Variants in FARS2 observed in about 807,000 individuals in gnomAD.
FARS2 encodes phenylalanyl-tRNA synthetase 2, mitochondrial.
FARS2 carries 40 observed loss-of-function variants against 46.4 expected under a neutral mutation model. The ratio of observed to expected loss-of-function variants is 0.86; its 90% CI spans 0.67 to 1.12. The LOEUF (loss-of-function observed/expected upper bound fraction) is 1.12, where lower values mean the gene tolerates loss of function less well. FARS2 is among the 50% of genes most tolerant of loss of function. The pLI is 0.00. For missense variants in FARS2, 513 were observed against 567.9 expected, an observed-to-expected ratio of 0.90 and a Z score of 0.98; for synonymous variants, 234 against 214.9, an observed-to-expected ratio of 1.09 and a Z score of -0.78.
chr6:5,706,184 T>C (rs1475880404), intron 6 of FARS2, among the ~76,000 whole-genome samples: 5 of 152,176 alleles, frequency 3.3e-5, no homozygotes, highest in African/African-American at 1.2e-4. Flanking sequence ...CTCACTCCTA[T>C]GAGAATCTAA....
intron 6 of FARS2, among the ~76,000 whole-genome samples, chr6:5,634,355 G>A (rs1776438452): frequency 6.6e-6 from 1 of 152,050 alleles, no homozygotes; most frequent in Admixed American, 6.6e-5. Flanking sequence ...CAGGCTGGAG[G>A]GCAGTGGTAT....
chr6:5,617,388 G>A (rs1775533883), intron 6 of FARS2, among the ~76,000 whole-genome samples: 1 of 152,236 alleles, frequency 6.6e-6, no homozygotes, highest in African/African-American at 2.4e-5. Flanking sequence ...CCAAGGGCAT[G>A]TGTCCCTTAT....
At position 5,714,131 on chromosome 6, in the gene FARS2, A is replaced by G. The variant is rs188060828; in HGVS notation, c.1218-57160A>G. Among the ~76,000 whole-genome samples, 3 of 152,214 alleles carry G rather than the reference A, an allele frequency of 2.0e-5. No homozygotes were observed. The East Asian group carries it at 5.8e-4, about 29-fold the overall frequency. ...GCTTTCAGAGTGCCATTTATAAAAT[A>G]TTTATCATAGTTTCACTGATGAGGT... On this transcript the variant is annotated intron_variant, in intron 6 of 6. Coordinates refer to ENST00000274680, the MANE Select transcript of FARS2 (RefSeq NM_006567.5).
intron 1 of FARS2, among the ~76,000 whole-genome samples, chr6:5,353,911 A>C (rs1757746661): frequency 6.6e-6 from 1 of 150,874 alleles, no homozygotes; most frequent in Non-Finnish European, 1.5e-5. Flanking sequence ...GCAGAAGGAC[A>C]AACCAGGCTT....
chr6:5,692,816 G>A (rs911523319), intron 6 of FARS2, among the ~76,000 whole-genome samples: 1 of 152,116 alleles, frequency 6.6e-6, no homozygotes, highest in Non-Finnish European at 1.5e-5. Flanking sequence ...TTGTATGTTG[G>A]TCAAGATATT....
intron 6 of FARS2, among the ~76,000 whole-genome samples, chr6:5,762,904 G>A (rs191830962): frequency 9.8e-5 from 15 of 152,328 alleles, no homozygotes; most frequent in African/African-American, 3.1e-4. Context: ...GGGAGGCACC[G>A]CTCAGAATGG....
chr6:5,615,119 T>A (rs1382788666), intron 6 of FARS2, among the ~76,000 whole-genome samples: 1 of 152,236 alleles, frequency 6.6e-6, no homozygotes, highest in Non-Finnish European at 1.5e-5. Flanking sequence ...TATATCATTG[T>A]GTTTCACAAA....
chr6:5,297,996 C>T (rs184964518), intron 1 of FARS2, among the ~76,000 whole-genome samples: 8 of 152,300 alleles, frequency 5.3e-5, no homozygotes, highest in Admixed American at 3.3e-4. Context: ...AGGGGAAGCC[C>T]GGAGGGCATC....
In FARS2 at chr6:5,771,437, A is replaced by C; in HGVS notation, c.*8A>C. 1.2e-6 allele frequency: 2 copies of C among 1,609,228 alleles called. No individual in the cohort carries two copies. Among genetic ancestry groups the C allele is most frequent in the Non-Finnish European group, 1.7e-6 (2 of 1,178,472 alleles). ...GTGGAGGGCAGGTTCTGATGTCACC[A>C]CTTCACTCAGGCTGCAGCCCTCTTG... On this transcript the variant is annotated 3_prime_UTR_variant, in exon 7 of 7. Transcript: ENST00000274680.
chr6:5,622,330 C>T (rs965852531), intron 6 of FARS2, among the ~76,000 whole-genome samples: 1 of 152,212 alleles, frequency 6.6e-6, no homozygotes, highest in Non-Finnish European at 1.5e-5. Context: ...ATTGTTGGCT[C>T]ATTCTTAGCT....
intron 2 of FARS2, among the ~76,000 whole-genome samples, chr6:5,370,251 CT>C (rs1758971043): frequency 1.3e-5 from 2 of 152,166 alleles, no homozygotes; most frequent in African/African-American, 4.8e-5. Flanking sequence ...CCCTTCTCTC[CT>C]TTTTCTTTCT....
intron 1 of FARS2, among the ~76,000 whole-genome samples, chr6:5,355,368 C>CTTTTTTTTTTT (rs200590190): frequency 2.1e-5 from 3 of 142,444 alleles, no homozygotes; most frequent in Non-Finnish European, 3.1e-5. Context: ...TTAGGTTTTC[C>CTTTTTTTTTTT]TTTTTGTTTT....
intron 1 of FARS2, among the ~76,000 whole-genome samples, chr6:5,358,196 A>AT (rs1031045937): frequency 6.6e-6 from 1 of 152,190 alleles, no homozygotes; most frequent in African/African-American, 2.4e-5. Flanking sequence ...ATTTAAAAAA[A>AT]TTTTTAATTT....
chr6:5,377,317 G>A (rs935763218), intron 2 of FARS2, among the ~76,000 whole-genome samples: 1 of 152,198 alleles, frequency 6.6e-6, no homozygotes, highest in Non-Finnish European at 1.5e-5. Context: ...CAGAGGAGTT[G>A]CGTGAGAGAC....
At chr6:5,629,985 A>G (rs1358650977) in intron 6 of FARS2, among the ~76,000 whole-genome samples, 1 of 152,110 alleles carries the variant, frequency 6.6e-6, no homozygotes, top group East Asian at 1.9e-4. Flanking sequence ...GGAGAAGATG[A>G]TTTAGTGACT....
chr6:5,735,806 G>A (rs1181529906), intron 6 of FARS2, among the ~76,000 whole-genome samples: 1 of 152,134 alleles, frequency 6.6e-6, no homozygotes, highest in Non-Finnish European at 1.5e-5. Flanking sequence ...ACATGCTGTG[G>A]GGCTGGACCT....
At chr6:5,734,177 C>T (rs1760807066) in intron 6 of FARS2, among the ~76,000 whole-genome samples, 1 of 152,154 alleles carries the variant, frequency 6.6e-6, no homozygotes, top group Non-Finnish European at 1.5e-5. Context: ...TTCTAGAAAG[C>T]TAGGCTGGAG....
intron 1 of FARS2, among the ~76,000 whole-genome samples, chr6:5,300,463 G>GA: frequency 6.6e-6 from 1 of 152,048 alleles, no homozygotes. Flanking sequence ...GTTTGATATG[G>GA]CATTCACATT....
chr6:5,373,300 A>T (rs1444779931), intron 2 of FARS2, among the ~76,000 whole-genome samples: 1 of 152,128 alleles, frequency 6.6e-6, no homozygotes, highest in Non-Finnish European at 1.5e-5. Flanking sequence ...TCTACCTCAC[A>T]CTAAATCTTC....
Sources: gnomAD v4.1 joint callset for allele counts (sites outside exome capture counted in the v4.1 genomes callset) on GRCh38, gnomAD v4.1.1 for gene constraint, MANE v1.5 for transcripts, NCBI Gene and HGNC (gene_info 2026-07-23, HGNC 2026-07-21) for gene names.